CTBP1: variants seen among roughly 807,000 people sequenced by gnomAD.
CTBP1 encodes C-terminal-binding protein 1.
A neutral mutation model predicts 42.1 loss-of-function variants in CTBP1; 11 were observed. The observed-to-expected ratio is 0.26, with a 90% confidence interval of 0.16 to 0.43. The LOEUF is 0.43. CTBP1 is among the 20% of genes least tolerant of loss of function. The pLI, the probability that CTBP1 is intolerant of heterozygous loss-of-function variation, is 1.00. For missense variants in CTBP1, 399 were observed against 624.3 expected, an observed-to-expected ratio of 0.64 and a Z score of 3.85; for synonymous variants, 324 against 277.1, an observed-to-expected ratio of 1.17 and a Z score of -1.68.
At chr4:1,216,356 G>A (rs773529915) in intron 5 of CTBP1, 151 bp from the exon 6 acceptor site, 47 of 750,670 alleles carry the variant, frequency 6.3e-5, no homozygotes, top group Non-Finnish European at 9.0e-5. Context: ...GCCCACGCAC[G>A]CTCCACACGA....
chr4:1,227,956 G>C (rs1377435813), intron 4 of CTBP1, among the ~76,000 whole-genome samples: 1 of 152,236 alleles, frequency 6.6e-6, no homozygotes, highest in Non-Finnish European at 1.5e-5. Context: ...ATGCAGACCT[G>C]TGTGAAGCCA....
chr4:1,225,554 C>T lies in CTBP1; in HGVS notation c.320G>A (p.Cys107Tyr). The T allele has an allele frequency of 6.5e-7, 1 of 1,541,072 alleles. No homozygotes were observed. The highest frequency in any genetic ancestry group is 8.7e-7 in the Non-Finnish European group (1 of 1,146,446). The change falls in exon 5 of 10, where the codon TGC becomes TAC. Residue 107 changes from cysteine (C) to tyrosine (Y), a missense_variant. This residue lies in a region of CTBP1 where 309 missense variants were observed against 497.5 expected (regional missense o/e 0.62). Coordinates refer to ENST00000382952, the MANE Select transcript of CTBP1 (RefSeq NM_001012614.2). ...KSAGDLGIAVCNVPAASVEET... is the reference protein window; with the variant it reads ...KSAGDLGIAVYNVPAASVEET... ...CTCCACAGACGCCGCGGGCACGTTG[C>T]AGACGGCAATGCCTGTGGGGACAAG...
intron 5 of CTBP1, among the ~76,000 whole-genome samples, chr4:1,219,715 T>G (rs923108840): frequency 6.6e-6 from 1 of 152,280 alleles, no homozygotes; most frequent in East Asian, 1.9e-4. Flanking sequence ...AATCTGTTTT[T>G]GGCAGAGGCA....
At position 1,214,014 on chromosome 4, in the gene CTBP1, G is replaced by A. The variant is rs895004396; in HGVS notation, c.860+329C>T. ...TCCCAAGGTGCTGTAGGGGCTGCAGGTCTGGACGGGATGCCATGACTCCAT... is the reference window on the plus strand; with the variant it reads ...TCCCAAGGTGCTGTAGGGGCTGCAGATCTGGACGGGATGCCATGACTCCAT... On this transcript the variant is annotated intron_variant, in intron 7 of 9. Transcript: ENST00000382952. 24 of 423,898 alleles carry A rather than the reference G, an allele frequency of 5.7e-5. No homozygotes were observed. In the South Asian group the frequency reaches 6.5e-4, roughly 11 times the overall value. 26.3% of individuals were successfully genotyped at this position (423,898 alleles called of 1,614,324 possible). A position where few individuals can be genotyped will look rare whatever the true frequency, so the allele number is the denominator to read the frequency against.
At chr4:1,225,692 G>T in intron 4 of CTBP1, 126 bp from the exon 5 acceptor site, 1 of 1,021,918 alleles carries the variant, frequency 9.8e-7, no homozygotes, top group Non-Finnish European at 1.4e-6. Context: ...GTGTCCCCAA[G>T]GCCACCCCGG....
intron 1 of CTBP1, chr4:1,244,287 C>A: frequency 1.0e-6 from 1 of 985,094 alleles, no homozygotes; most frequent in Non-Finnish European, 1.2e-6. Flanking sequence ...GTTGCCCCGG[C>A]ACACTGGGGG....
At chr4:1,245,823 A>C (rs1348264941) in intron 1 of CTBP1, among the ~76,000 whole-genome samples, 6 of 151,890 alleles carry the variant, frequency 4.0e-5, no homozygotes. Flanking sequence ...AGGGTGCAGA[A>C]GGGGCCTGGT....
intron 9 of CTBP1, 191 bp from the exon 10 acceptor site, chr4:1,212,614 G>A (rs1044753976): frequency 1.6e-6 from 1 of 617,132 alleles, no homozygotes; most frequent in Non-Finnish European, 2.8e-6. Flanking sequence ...GGGAGCCCTG[G>A]TGTCTCCAGG....
intron 3 of CTBP1, among the ~76,000 whole-genome samples, chr4:1,231,422 C>T (rs1730957386): frequency 6.6e-6 from 1 of 152,212 alleles, no homozygotes. Flanking sequence ...GGCTCAGCCC[C>T]ACTCTGCTCA....
intron 4 of CTBP1, among the ~76,000 whole-genome samples, chr4:1,227,517 T>G (rs1334304446): frequency 3.0e-4 from 44 of 148,184 alleles, no homozygotes; most frequent in African/African-American, 1.1e-3. Context: ...TGAGTGTGCG[T>G]GTTCCATGTG....
chr4:1,245,402 G>A (rs921396588), intron 1 of CTBP1: 4 of 985,246 alleles, frequency 4.1e-6, no homozygotes, highest in Non-Finnish European at 3.6e-6. Context: ...TACCACATGT[G>A]GGGTATCAGG....
At chr4:1,222,615 G>A (rs1278697107) in intron 5 of CTBP1, among the ~76,000 whole-genome samples, 1 of 152,164 alleles carries the variant, frequency 6.6e-6, no homozygotes, top group Admixed American at 6.5e-5. Context: ...CCAGGCCTGG[G>A]CGGGGGCCCT....
chr4:1,220,215 A>AAAAAGGGGC (rs1729580767), intron 5 of CTBP1, among the ~76,000 whole-genome samples: 2 of 151,680 alleles, frequency 1.3e-5, no homozygotes, highest in South Asian at 4.2e-4. Context: ...AAAAAAAAAA[A>AAAAAGGGGC]AAGGGGCAGA....
intron 1 of CTBP1, 100 bp downstream of exon 1, chr4:1,248,816 C>T: frequency 2.2e-6 from 2 of 924,740 alleles, no homozygotes; most frequent in Non-Finnish European, 2.6e-6. Context: ...CGGCGGCCCG[C>T]GGGCGCGCGC....
At chr4:1,213,096 G>A in intron 8 of CTBP1, 66 bp from the exon 9 acceptor site, 1 of 1,336,702 alleles carries the variant, frequency 7.5e-7, no homozygotes, top group Non-Finnish European at 1.1e-6. Flanking sequence ...GGCCCACTGG[G>A]TTGAAGACAC....
chr4:1,225,308 G>C (rs1007348311), intron 5 of CTBP1, 52 bp downstream of exon 5: 56 of 1,503,228 alleles, frequency 3.7e-5, no homozygotes, highest in Non-Finnish European at 5.0e-5. Flanking sequence ...GCTGAAGAGC[G>C]GCAGCGCCAG....
intron 9 of CTBP1, 127 bp from the exon 10 acceptor site, chr4:1,212,550 C>T (rs1728651585): frequency 6.9e-6 from 6 of 864,874 alleles, no homozygotes; most frequent in Middle Eastern, 3.6e-4. Flanking sequence ...GTAAGGATCC[C>T]GGCCTTTACA....
chr4:1,214,222 G>T, intron 7 of CTBP1, 121 bp downstream of exon 7: 1 of 1,292,308 alleles, frequency 7.7e-7, no homozygotes, highest in Non-Finnish European at 1.0e-6. Flanking sequence ...CCCCACTGCT[G>T]GCCAGCGAGA....
Position 1,233,777 on chromosome 4 carries a change from C to G in CTBP1, c.162+4406G>C, listed in dbSNP as rs146956656. 1.3e-5 allele frequency among the ~76,000 whole-genome samples: 2 copies of G among 152,240 alleles called. No homozygotes were observed. Among genetic ancestry groups the G allele is most frequent in the Admixed American group, 1.3e-4 (2 of 15,286 alleles). ...GACGGTATCACGTTCTCTCCCTCCA[C>G]GGCACTCAGACGGCGGCGACCTCCA... is the stretch of plus-strand genomic sequence containing the variant. On this transcript the variant is annotated intron_variant, in intron 3 of 9. Coordinates refer to ENST00000382952, the MANE Select transcript of CTBP1 (RefSeq NM_001012614.2). The surrounding 1 kb of genome is among the most constrained non-coding windows in gnomAD (Gnocchi z 4.6).
Sources: gnomAD v4.1 joint callset for allele counts (sites outside exome capture counted in the v4.1 genomes callset) on GRCh38, gnomAD v4.1.1 for gene constraint, gnomAD v4.1.1 regional missense constraint, Gnocchi (gnomAD v3.1) non-coding constraint, MANE v1.5 for transcripts, NCBI Gene and HGNC (gene_info 2026-07-23, HGNC 2026-07-21) for gene names.